The following SH3GL3 variants were observed in gnomAD, a reference collection of about 807,000 sequenced individuals.
SH3GL3 encodes the protein endophilin-A3.
A neutral mutation model predicts 47.7 loss-of-function variants in SH3GL3; 33 were observed. That is an observed-to-expected ratio of 0.69 (90% CI 0.52 to 0.92). The LOEUF (loss-of-function observed/expected upper bound fraction) is 0.92, where lower values mean the gene tolerates loss of function less well. Ranked by LOEUF, SH3GL3 falls within the 40% of genes least tolerant of loss-of-function variation. SH3GL3 has a pLI of 0.00. For missense variants in SH3GL3, 363 were observed against 417.8 expected, an observed-to-expected ratio of 0.87 and a Z score of 1.14; for synonymous variants, 155 against 148.8, an observed-to-expected ratio of 1.04 and a Z score of -0.30.
chr15:83,578,568 C>T (rs952525356), intron 6 of SH3GL3, among the ~76,000 whole-genome samples: 1 of 152,068 alleles, frequency 6.6e-6, no homozygotes, highest in Admixed American at 6.5e-5. Flanking sequence ...AGAATTTATT[C>T]TCCCAACTGG....
intron 4 of SH3GL3, among the ~76,000 whole-genome samples, chr15:83,570,033 C>T (rs1476209426): frequency 6.7e-6 from 1 of 148,362 alleles, no homozygotes; most frequent in Non-Finnish European, 1.5e-5. Context: ...CTTTAGTCTT[C>T]CTATATGGTT....
intron 1 of SH3GL3, among the ~76,000 whole-genome samples, chr15:83,495,472 T>C: frequency 6.6e-6 from 1 of 152,194 alleles, no homozygotes; most frequent in Non-Finnish European, 1.5e-5. Flanking sequence ...TGGTGGCTCA[T>C]GCCTGTAATC....
intron 1 of SH3GL3, among the ~76,000 whole-genome samples, chr15:83,459,932 G>A (rs1405735396): frequency 3.3e-5 from 5 of 150,986 alleles, no homozygotes; most frequent in African/African-American, 9.8e-5. Flanking sequence ...AGTTCCTGTG[G>A]CTGTTTCCCC....
intron 6 of SH3GL3, among the ~76,000 whole-genome samples, chr15:83,584,262 A>G (rs2059906236): frequency 6.6e-6 from 1 of 151,932 alleles, no homozygotes; most frequent in Non-Finnish European, 1.5e-5. Flanking sequence ...CCATTGTCAT[A>G]TCTTCTCTGA....
intron 1 of SH3GL3, among the ~76,000 whole-genome samples, chr15:83,501,740 A>C (rs1475353135): frequency 2.0e-5 from 3 of 152,026 alleles, no homozygotes; most frequent in Non-Finnish European, 4.4e-5. Flanking sequence ...AAAAATACAA[A>C]AATTAGCCAG....
At chr15:83,623,107 A>G (rs1270588685), downstream of SH3GL3, among the ~76,000 whole-genome samples, 3 of 152,212 alleles carry the variant, frequency 2.0e-5, no homozygotes, top group African/African-American at 7.2e-5. Flanking sequence ...AATGTCCTCA[A>G]TATAGGTTTC....
At position 83,447,960 on chromosome 15, in the gene SH3GL3, A is replaced by C. The variant is rs1595986792; in HGVS notation, c.45+382A>C. ...CCGGCAGGGCCTCCCCCGAGTCTCC[A>C]GCCGTTTGGTTGGGAGAGCCTCGTG... On this transcript the variant is annotated intron_variant, in intron 1 of 8. Coordinates refer to ENST00000427482, the MANE Select transcript of SH3GL3 (RefSeq NM_003027.5). The surrounding 1 kb of genome is among the most constrained non-coding windows in gnomAD (Gnocchi z 5.1). 6.6e-6 allele frequency among the ~76,000 whole-genome samples: 1 copy of C among 152,072 alleles called. No homozygotes were observed. Among genetic ancestry groups the C allele is most frequent in the Non-Finnish European group, 1.5e-5 (1 of 68,004 alleles).
At chr15:83,596,034 C>T (rs1381326883) in intron 8 of SH3GL3, among the ~76,000 whole-genome samples, 1 of 152,178 alleles carries the variant, frequency 6.6e-6, no homozygotes. Context: ...CTAAGTACCA[C>T]TTGAGCACCA....
chr15:83,470,258 T>G (rs2040770247), intron 1 of SH3GL3, among the ~76,000 whole-genome samples: 1 of 152,236 alleles, frequency 6.6e-6, no homozygotes, highest in African/African-American at 2.4e-5. Context: ...GGAGTCTCAC[T>G]CTGTCACCCA....
chr15:83,519,667 C>T (rs2043126600), intron 1 of SH3GL3, among the ~76,000 whole-genome samples: 1 of 152,112 alleles, frequency 6.6e-6, no homozygotes, highest in Non-Finnish European at 1.5e-5. Flanking sequence ...TTTCTCTTGT[C>T]TAATTGCTCT....
At chr15:83,532,397 A>G (rs1395021572) in intron 1 of SH3GL3, among the ~76,000 whole-genome samples, 1 of 152,174 alleles carries the variant, frequency 6.6e-6, no homozygotes, top group Admixed American at 6.5e-5. Flanking sequence ...CTAATTGAGA[A>G]AAAGAAATTA....
chr15:83,539,319 C>T (rs1410795379), intron 1 of SH3GL3, among the ~76,000 whole-genome samples: 1 of 152,184 alleles, frequency 6.6e-6, no homozygotes, highest in East Asian at 1.9e-4. Context: ...TGGCAGTCTT[C>T]TTGCTGTGTC....
intron 1 of SH3GL3, among the ~76,000 whole-genome samples, chr15:83,470,374 G>T (rs568182865): frequency 6.6e-6 from 1 of 152,056 alleles, no homozygotes. Context: ...ACAGGCATGC[G>T]CCACCACGTC....
At chr15:83,518,145 C>T (rs967723962) in intron 1 of SH3GL3, among the ~76,000 whole-genome samples, 6 of 152,048 alleles carry the variant, frequency 3.9e-5, no homozygotes, top group Middle Eastern at 3.2e-3. Context: ...TTATCCAGTC[C>T]ACTGTCGATG....
chr15:83,521,961 C>T (rs764318438), intron 1 of SH3GL3, among the ~76,000 whole-genome samples: 20 of 152,100 alleles, frequency 1.3e-4, no homozygotes, highest in Non-Finnish European at 2.9e-4. Context: ...TCATTCTCGC[C>T]ACTTTTCCTA....
intron 1 of SH3GL3, among the ~76,000 whole-genome samples, chr15:83,511,338 T>G (rs1329445188): frequency 1.3e-5 from 2 of 152,126 alleles, no homozygotes; most frequent in Non-Finnish European, 2.9e-5. Context: ...ACCCTCCAGC[T>G]CCAGATGTAA....
chr15:83,588,076 G>A (rs1486356552), intron 7 of SH3GL3, among the ~76,000 whole-genome samples: 1 of 152,200 alleles, frequency 6.6e-6, no homozygotes, highest in Non-Finnish European at 1.5e-5. Context: ...GCACTTGCTG[G>A]ATGCCTCAGA....
At chr15:83,617,018 T>G (rs1048255837) in intron 8 of SH3GL3, among the ~76,000 whole-genome samples, 2 of 152,228 alleles carry the variant, frequency 1.3e-5, no homozygotes, top group African/African-American at 4.8e-5. Flanking sequence ...TGTAAATATA[T>G]GCACAAATAT....
downstream of SH3GL3, among the ~76,000 whole-genome samples, chr15:83,623,207 A>G (rs1272622279): frequency 1.3e-5 from 2 of 152,330 alleles, no homozygotes; most frequent in East Asian, 3.9e-4. Flanking sequence ...AGATCGTGCT[A>G]CTGTTTCAAT....
Sources: gnomAD v4.1 joint callset for allele counts (sites outside exome capture counted in the v4.1 genomes callset) on GRCh38, gnomAD v4.1.1 for gene constraint, Gnocchi (gnomAD v3.1) non-coding constraint, MANE v1.5 for transcripts, NCBI Gene and HGNC (gene_info 2026-07-23, HGNC 2026-07-21) for gene names.